The following SEPTIN5 variants were observed in gnomAD, a reference collection of about 807,000 sequenced individuals.
SEPTIN5 encodes the protein septin-5.
A neutral mutation model predicts 51.2 loss-of-function variants in SEPTIN5; 16 were observed. The observed-to-expected ratio is 0.31, with a 90% CI of 0.21 to 0.47. The LOEUF (loss-of-function observed/expected upper bound fraction) is 0.47, where lower values mean the gene tolerates loss of function less well. Ranked by LOEUF, SEPTIN5 falls within the 20% of genes least tolerant of loss-of-function variation. The probability of loss-of-function intolerance (pLI) is 0.99; values close to 1 mark genes in which losing one functional copy is unlikely to be tolerated. For missense variants in SEPTIN5, 376 were observed against 500.3 expected, an observed-to-expected ratio of 0.75 and a Z score of 2.37; for synonymous variants, 208 against 191.2, an observed-to-expected ratio of 1.09 and a Z score of -0.72.
At position 19,720,126 on chromosome 22, in the gene SEPTIN5, C is replaced by T; in HGVS notation, c.250C>T (p.Gln84Ter). 1 of 1,613,148 alleles carries T rather than the reference C, an allele frequency of 6.2e-7. No individual in the cohort carries two copies. Among genetic ancestry groups the T allele is most frequent in the Non-Finnish European group, 8.5e-7 (1 of 1,180,004 alleles). Residue 84 changes from glutamine to a stop codon, truncating the protein, a stop_gained, in exon 5 of 12, where the codon CAG (glutamine) becomes TAG (stop). Transcript: ENST00000455784. LOFTEE classifies it high-confidence loss of function. The stretch of plus-strand genomic sequence containing the variant: ...CCCCTTCCCCGTAGAGCGCATCAGC[C>T]AGACGGTAGAGATTCTAAAACACAC... The part of the protein sequence containing the change: ...KLLSAEERIS[Q>*]TVEILKHTVD...
rs776793256 is a variant in SEPTIN5 at position 19,714,645 on chromosome 22, C to G, written c.43+14C>G. 28 of 1,510,186 alleles carry G rather than the reference C, an allele frequency of 1.9e-5. No homozygotes were observed. The East Asian group carries it at 7.3e-4, about 39-fold the overall frequency. The allele number at this position is 1,510,186 out of a possible 1,614,324, so 93.5% of individuals were successfully genotyped here. A position where few individuals can be genotyped will look rare whatever the true frequency, so the allele number is the denominator to read the frequency against. On this transcript the variant is annotated intron_variant, in intron 1 of 11. Transcript: ENST00000455784. The surrounding 1 kb of genome is among the most constrained non-coding windows in gnomAD (Gnocchi z 5.2). ...TGGCGACCCCAGGTGAGCCCAGCGC[C>G]TGCCCGCGTGCCCGCGCGCGCCTTT...
chr22:19,718,992 C>G (rs1935966200), intron 2 of SEPTIN5: 1 of 607,504 alleles, frequency 1.6e-6, no homozygotes, highest in Non-Finnish European at 2.4e-6. Flanking sequence ...CCTGTCCAGG[C>G]CTCACCTCAC....
chr22:19,717,128 C>A (rs559310844), intron 2 of SEPTIN5: 10 of 337,682 alleles, frequency 3.0e-5, no homozygotes, highest in Non-Finnish European at 5.6e-5. Flanking sequence ...AGGGCCTGGA[C>A]AGGAAGTGGA....
At chr22:19,716,095 G>T (rs754069895) in intron 2 of SEPTIN5, among the ~76,000 whole-genome samples, 1 of 152,208 alleles carries the variant, frequency 6.6e-6, no homozygotes, top group Non-Finnish European at 1.5e-5. Flanking sequence ...GCAGGGTGGG[G>T]ACCCCCTCCT....
Position 19,720,378 on chromosome 22 carries a change from A to G in SEPTIN5, c.421A>G (p.Ser141Gly). 1 of 1,613,978 alleles carries G rather than the reference A, an allele frequency of 6.2e-7. No individual in the cohort carries two copies. Among genetic ancestry groups the G allele is most frequent in the Non-Finnish European group, 8.5e-7 (1 of 1,180,012 alleles). Residue 141 changes from serine to glycine, a missense_variant, in exon 6 of 12, where the codon AGC (serine) becomes GGC (glycine). This residue lies in a region of SEPTIN5 where 287 missense variants were observed against 417.1 expected (regional missense o/e 0.69). Coordinates refer to ENST00000455784, the MANE Select transcript of SEPTIN5 (RefSeq NM_002688.6). ...QQFEQYFRDE[S>G]GLNRKNIQDN... Reference sequence around the variant, plus strand: ...GTTTGAGCAGTACTTCCGTGATGAGAGCGGCCTCAACCGAAAGAACATCCA... The same window carrying G: ...GTTTGAGCAGTACTTCCGTGATGAGGGCGGCCTCAACCGAAAGAACATCCA...
In SEPTIN5 at chr22:19,720,124, G is replaced by A. The variant is rs199596189; in HGVS notation, c.248G>A (p.Ser83Asn). 7.8e-5 allele frequency: 126 copies of A among 1,613,008 alleles called. No homozygotes were observed. Among genetic ancestry groups the A allele is most frequent in the Non-Finnish European group, 1.0e-4 (118 of 1,180,014 alleles). ...GGCCCCTTCCCCGTAGAGCGCATCA[G>A]CCAGACGGTAGAGATTCTAAAACAC... ...RKLLSAEERI[S>N]QTVEILKHTV... Residue 83 changes from serine (S) to asparagine (N), a missense_variant, in exon 5 of 12, where the codon AGC becomes AAC. Physicochemically the swap from Ser to Asn is conservative, Grantham distance 46. Around this residue, in one of 2 missense-constraint regions of SEPTIN5, gnomAD observed 287 missense variants for 417.1 expected, o/e 0.69. Transcript: ENST00000455784.
intron 2 of SEPTIN5, chr22:19,718,898 C>G: frequency 8.3e-7 from 1 of 1,206,338 alleles, no homozygotes; most frequent in Non-Finnish European, 1.0e-6. Context: ...CGTCCCCGCG[C>G]GCCACGGCCC....
chr22:19,719,879 G>A lies in SEPTIN5; in HGVS notation c.225G>A (p.Leu75=). The A allele has an allele frequency of 6.2e-7, 1 of 1,612,870 alleles. No homozygotes were observed. The highest frequency in any genetic ancestry group is 8.5e-7 in the Non-Finnish European group (1 of 1,179,904). The change falls in exon 4 of 12, where the codon CTG becomes CTA. Residue 75 remains leucine (L), a synonymous_variant. Transcript: ENST00000455784. The part of the protein sequence containing the change: ...FLTDLYKDRK[L]LSAEERISQT... ...CAGACTTGTACAAGGACCGGAAGCT[G>A]CTCAGTGCTGAGGGTGAGTGGCCCC... is the stretch of plus-strand genomic sequence containing the variant.
At chr22:19,717,117 C>A (rs375615577) in intron 2 of SEPTIN5, 6 of 334,576 alleles carry the variant, frequency 1.8e-5, no homozygotes, top group African/African-American at 1.2e-4. Flanking sequence ...ACAACAGGAC[C>A]AGGGCCTGGA....
rs967285561 is a variant in SEPTIN5 at position 19,722,567 on chromosome 22, G to A, written c.*83G>A. The A allele has an allele frequency of 2.5e-5, 35 of 1,415,552 alleles. No homozygotes were observed. Among genetic ancestry groups the A allele is most frequent in the Non-Finnish European group, 3.2e-5 (33 of 1,029,360 alleles). The allele number at this position is 1,415,552 out of a possible 1,614,324, so 87.7% of individuals were successfully genotyped here. A position where few individuals can be genotyped will look rare whatever the true frequency, so the allele number is the denominator to read the frequency against. ...ACCGGACTGTTCCCGACCCGGAGAC[G>A]CGGGGCCACAGCCCCCAGCTGACCC... On this transcript the variant is annotated 3_prime_UTR_variant, in exon 12 of 12. Coordinates refer to ENST00000455784, the MANE Select transcript of SEPTIN5 (RefSeq NM_002688.6).
chr22:19,719,455 G>T (rs1050480212), intron 2 of SEPTIN5, 147 bp from the exon 3 acceptor site: 5 of 637,478 alleles, frequency 7.8e-6, no homozygotes, highest in Admixed American at 5.9e-5. Flanking sequence ...TTTTGCCCAC[G>T]GGCCCTCCCC....
intron 3 of SEPTIN5, 24 bp from the exon 4 acceptor site, chr22:19,719,782 C>T (rs1454531422): frequency 1.9e-6 from 3 of 1,612,518 alleles, no homozygotes; most frequent in Non-Finnish European, 2.5e-6. Context: ...CCTAACGCAG[C>T]TCCTTCTCTG....
At chr22:19,721,520 T>G in intron 8 of SEPTIN5, 120 bp from the exon 9 acceptor site, 1 of 1,081,220 alleles carries the variant, frequency 9.2e-7, no homozygotes, top group Non-Finnish European at 1.4e-6. Flanking sequence ...AGGATCTCTT[T>G]GAGGAGAGAT....
chr22:19,721,584 C>A, intron 8 of SEPTIN5, 56 bp from the exon 9 acceptor site: 1 of 1,577,854 alleles, frequency 6.3e-7, no homozygotes, highest in South Asian at 1.1e-5. Context: ...CGTTTCCCAT[C>A]AGTAACCGTG....
chr22:19,715,097 C>T (rs1001928244), intron 2 of SEPTIN5, among the ~76,000 whole-genome samples: 1 of 152,274 alleles, frequency 6.6e-6, no homozygotes, highest in Non-Finnish European at 1.5e-5. Context: ...GCCTGTAGGC[C>T]ATGAGCTGGG....
Position 19,723,300 on chromosome 22 carries a change from G to A in SEPTIN5, c.*816G>A, listed in dbSNP as rs750163481. ...GCCGCGTCCTGTCCTGGTGACAGGA[G>A]AACAATGTTGGTGAACGTCGCAGCG... is the stretch of plus-strand genomic sequence containing the variant. On this transcript the variant is annotated 3_prime_UTR_variant, in exon 12 of 12. Coordinates refer to ENST00000455784, the MANE Select transcript of SEPTIN5 (RefSeq NM_002688.6). 2.9e-6 allele frequency: 2 copies of A among 698,372 alleles called. No individual in the cohort carries two copies. Among genetic ancestry groups the A allele is most frequent in the African/African-American group, 1.7e-5 (1 of 57,218 alleles). The allele number at this position is 698,372 out of a possible 1,614,324, so 43.3% of individuals were successfully genotyped here.
intron 2 of SEPTIN5, chr22:19,719,076 C>A: frequency 2.9e-6 from 1 of 347,934 alleles, no homozygotes; most frequent in Non-Finnish European, 5.1e-6. Flanking sequence ...GGGGGCTGGG[C>A]GCCTGGGCGC....
chr22:19,720,945 A>G, intron 8 of SEPTIN5, 76 bp downstream of exon 8: 1 of 1,327,956 alleles, frequency 7.5e-7, no homozygotes, highest in Non-Finnish European at 1.1e-6. Flanking sequence ...TCTCCTTCAC[A>G]TTGAGCCTGC....
chr22:19,722,418 C>A lies in SEPTIN5; in HGVS notation c.1054-10C>A. ...GTGCTGCTCACCCGCCGGGTTGTCTCCGCCCGCAGCTGAGGCGCATGCAGG... is the reference window on the plus strand; with the variant it reads ...GTGCTGCTCACCCGCCGGGTTGTCTACGCCCGCAGCTGAGGCGCATGCAGG... On this transcript the variant is annotated splice_polypyrimidine_tract_variant and intron_variant, in intron 11 of 11. Transcript: ENST00000455784. The A allele has an allele frequency of 6.3e-7, 1 of 1,599,366 alleles. No individual in the cohort carries two copies. Among genetic ancestry groups the A allele is most frequent in the Non-Finnish European group, 8.5e-7 (1 of 1,173,372 alleles).
Sources: gnomAD v4.1 joint callset for allele counts (sites outside exome capture counted in the v4.1 genomes callset) on GRCh38, gnomAD v4.1.1 for gene constraint, gnomAD v4.1.1 regional missense constraint, Gnocchi (gnomAD v3.1) non-coding constraint, MANE v1.5 for transcripts, NCBI Gene and HGNC (gene_info 2026-07-23, HGNC 2026-07-21) for gene names.